EEA1: variants seen among roughly 807,000 people sequenced by gnomAD.
EEA1 encodes the protein early endosome antigen 1, also known as early endosome antigen 1, 162kD.
In EEA1, 111 loss-of-function variants were observed where a neutral mutation model predicts 209.2. The ratio of observed to expected loss-of-function variants is 0.53; its 90% confidence interval spans 0.45 to 0.62. The LOEUF is 0.62. Among genes scored for constraint, EEA1 ranks in the 20% least tolerant of loss-of-function variants. EEA1 has a pLI of 0.00. For missense variants in EEA1, 1,343 were observed against 1,530.8 expected, an observed-to-expected ratio of 0.88 and a Z score of 2.05; for synonymous variants, 536 against 540.6, an observed-to-expected ratio of 0.99 and a Z score of 0.12.
chr12:92,921,873 A>AG (rs1230924437), intron 1 of EEA1, among the ~76,000 whole-genome samples: 1 of 148,066 alleles, frequency 6.8e-6, no homozygotes, highest in Non-Finnish European at 1.5e-5. Context: ...TCTCAAAAAA[A>AG]AAAAAAAAAA....
chr12:92,860,586 G>A (rs1490374349), intron 3 of EEA1, among the ~76,000 whole-genome samples: 2 of 151,968 alleles, frequency 1.3e-5, no homozygotes, highest in Non-Finnish European at 2.9e-5. Context: ...CCTTTAACAT[G>A]TTTCCAGCAT....
chr12:92,925,113 C>T (rs1258463567), intron 1 of EEA1, among the ~76,000 whole-genome samples: 1 of 141,726 alleles, frequency 7.1e-6, no homozygotes, highest in Non-Finnish European at 1.5e-5. Context: ...CTAAACTCCA[C>T]AAAAAATTCA....
In EEA1 at chr12:92,773,458, T is replaced by C. The variant is rs549010724; in HGVS notation, c.*2553A>G. On this transcript the variant is annotated 3_prime_UTR_variant, in exon 29 of 29. Coordinates refer to ENST00000322349, the MANE Select transcript of EEA1 (RefSeq NM_003566.4). Reference sequence around the variant, plus strand: ...GAGGTTTTTGTGTTTGTTTCCCTCATTTTTTCTTCAAAGGAACAAATCCTA... The same window carrying C: ...GAGGTTTTTGTGTTTGTTTCCCTCACTTTTTCTTCAAAGGAACAAATCCTA... The C allele has an allele frequency of 6.6e-6, 1 of 152,316 alleles. No homozygotes were observed. The highest frequency in any genetic ancestry group is 2.4e-5 in the African/African-American group (1 of 41,562). 9.4% of individuals were successfully genotyped at this position (152,316 alleles called of 1,614,324 possible).
At chr12:92,861,815 A>C (rs1378332879) in intron 3 of EEA1, among the ~76,000 whole-genome samples, 2 of 151,990 alleles carry the variant, frequency 1.3e-5, no homozygotes, top group African/African-American at 2.4e-5. Context: ...TAAGCATAGA[A>C]TATCTCTGGA....
intron 3 of EEA1, 78 bp from the exon 4 acceptor site, chr12:92,857,563 T>C (rs1877936092): frequency 4.7e-6 from 4 of 843,436 alleles, no homozygotes; most frequent in Admixed American, 5.4e-5. Context: ...TCATGGCTAG[T>C]AATTGTATAT....
intron 11 of EEA1, among the ~76,000 whole-genome samples, chr12:92,829,187 A>C (rs1876480916): frequency 6.6e-6 from 1 of 152,146 alleles, no homozygotes; most frequent in African/African-American, 2.4e-5. Flanking sequence ...CAGGCCTGTA[A>C]TCCCAGCTAC....
chr12:92,804,220 G>C (rs1408359332), intron 18 of EEA1, among the ~76,000 whole-genome samples: 2 of 152,062 alleles, frequency 1.3e-5, no homozygotes, highest in Non-Finnish European at 2.9e-5. Flanking sequence ...CCTTAAATAA[G>C]ACTTACTTTC....
intron 2 of EEA1, among the ~76,000 whole-genome samples, chr12:92,882,336 G>C (rs1181577735): frequency 2.0e-5 from 3 of 151,808 alleles, no homozygotes; most frequent in African/African-American, 7.3e-5. Context: ...TCAAACTCCT[G>C]ACCTCAGGTG....
At chr12:92,859,053 T>TG in intron 3 of EEA1, 2 of 716,052 alleles carry the variant, frequency 2.8e-6, no homozygotes, top group South Asian at 3.5e-5. Context: ...CTTATTCTAT[T>TG]GGAGTTTCTC....
chr12:92,850,652 T>C (rs1317524385), intron 9 of EEA1, among the ~76,000 whole-genome samples: 1 of 117,160 alleles, frequency 8.5e-6, no homozygotes, highest in East Asian at 2.7e-4. Flanking sequence ...ATCACGCCAC[T>C]GCACTCCAGC....
intron 2 of EEA1, among the ~76,000 whole-genome samples, chr12:92,866,537 A>T (rs56403733): frequency 0.31 from 38,635 of 123,092 alleles, 5,325 homozygotes; most frequent in Non-Finnish European, 0.38. Context: ...TTGATTCTAT[A>T]AAAAAAAAAA....
intron 2 of EEA1, among the ~76,000 whole-genome samples, chr12:92,879,681 C>T (rs1310514495): frequency 3.9e-5 from 6 of 152,106 alleles, no homozygotes; most frequent in Non-Finnish European, 8.8e-5. Context: ...ATGCTATTCC[C>T]TAAGTTCACA....
At chr12:92,884,960 A>AT (rs3064991) in intron 2 of EEA1, among the ~76,000 whole-genome samples, 46,122 of 144,564 alleles carry the variant, frequency 0.32, 7,794 homozygotes, top group African/African-American at 0.39. Flanking sequence ...TTCAATGTAG[A>AT]TTTTTTTTTT....
At chr12:92,878,500 T>A (rs1427439229) in intron 2 of EEA1, among the ~76,000 whole-genome samples, 1 of 152,180 alleles carries the variant, frequency 6.6e-6, no homozygotes, top group Non-Finnish European at 1.5e-5. Flanking sequence ...TAGGAAAGAC[T>A]GGAGGGCAAG....
At chr12:92,803,071 A>G (rs1353668237) in intron 18 of EEA1, among the ~76,000 whole-genome samples, 1 of 152,040 alleles carries the variant, frequency 6.6e-6, no homozygotes, top group Non-Finnish European at 1.5e-5. Context: ...TAACAGCCAG[A>G]AACGTTTTTC....
chr12:92,880,845 C>T (rs948311936), intron 2 of EEA1, among the ~76,000 whole-genome samples: 1 of 152,088 alleles, frequency 6.6e-6, no homozygotes, highest in African/African-American at 2.4e-5. Flanking sequence ...TTCCTTCTGC[C>T]AAGTACAGCT....
intron 10 of EEA1, among the ~76,000 whole-genome samples, chr12:92,835,664 G>A (rs890006247): frequency 2.0e-5 from 3 of 151,772 alleles, no homozygotes; most frequent in African/African-American, 7.3e-5. Flanking sequence ...GCCCGCCTTG[G>A]CCTACCAAAG....
chr12:92,850,968 A>G (rs2136708675), intron 9 of EEA1, 143 bp downstream of exon 9: 1 of 753,954 alleles, frequency 1.3e-6, no homozygotes, highest in South Asian at 2.4e-5. Context: ...TTGACTATAA[A>G]CAAATATTAT....
Position 92,802,621 on chromosome 12 carries a change from G to A in EEA1, c.2453C>T (p.Thr818Ile). 5 of 1,604,878 alleles carry A rather than the reference G, an allele frequency of 3.1e-6. No individual in the cohort carries two copies. The highest frequency in any genetic ancestry group is 4.2e-6 in the Non-Finnish European group (5 of 1,177,316). ...EKKILKQDFE[T>I]LSQETKIQHE... The stretch of plus-strand genomic sequence containing the variant: ...CTGAATCTTTGTTTCTTGACTTAAA[G>A]TTTCAAAATCTTGTTTCAGGATTTT... The change falls in exon 19 of 29, where the codon ACT (threonine) becomes ATT (isoleucine). Residue 818 changes from threonine to isoleucine, a missense_variant. Thr to Ile is a moderately conservative substitution (Grantham distance 89). Transcript: ENST00000322349.
Sources: gnomAD v4.1 joint callset for allele counts (sites outside exome capture counted in the v4.1 genomes callset) on GRCh38, gnomAD v4.1.1 for gene constraint, MANE v1.5 for transcripts, NCBI Gene and HGNC (gene_info 2026-07-23, HGNC 2026-07-21) for gene names.